Variants in MEIS2 observed in about 807,000 individuals in gnomAD.
MEIS2 encodes the protein homeobox protein Meis2.
MEIS2 carries 9 observed loss-of-function variants against 58.6 expected under a neutral mutation model. The ratio of observed to expected loss-of-function variants is 0.15; its 90% CI spans 0.09 to 0.27. MEIS2 has a LOEUF of 0.27. Ranked by LOEUF, MEIS2 falls within the 10% of genes least tolerant of loss-of-function variation. MEIS2 has a pLI of 1.00. For synonymous variants in MEIS2, 221 were observed against 228.4 expected (o/e 0.97, Z 0.29); for missense variants, 427 against 635.0 (o/e 0.67, Z 3.52).
intron 9 of MEIS2, among the ~76,000 whole-genome samples, chr15:36,946,455 T>A (rs2058568923): frequency 6.6e-6 from 1 of 151,354 alleles, no homozygotes; most frequent in African/African-American, 2.4e-5. Context: ...TCTGAGAAGC[T>A]ACAAAAGTCT....
rs575245437 is a variant in MEIS2 at position 37,009,105 on chromosome 15, C to T, written c.900+27709G>A. Among the ~76,000 whole-genome samples the T allele has an allele frequency of 3.3e-5, 5 of 152,114 alleles. No homozygotes were observed. In the South Asian group the frequency reaches 6.2e-4, roughly 19 times the overall value. On this transcript the variant is annotated intron_variant, in intron 8 of 11. Coordinates refer to ENST00000561208, the MANE Select transcript of MEIS2 (RefSeq NM_170675.5). ...GAGATAGAGACCATCCTGGCTAACACGGTGAAACCCTGTCTCTACTAAAAA... is the reference window on the plus strand; with the variant it reads ...GAGATAGAGACCATCCTGGCTAACATGGTGAAACCCTGTCTCTACTAAAAA...
intron 8 of MEIS2, among the ~76,000 whole-genome samples, chr15:37,007,293 C>T (rs188322568): frequency 1.8e-4 from 28 of 152,092 alleles, no homozygotes; most frequent in East Asian, 1.4e-3. Context: ...ATCCAGGAGG[C>T]GGAGGTGGGA....
chr15:36,995,732 C>G (rs61392179), intron 8 of MEIS2, among the ~76,000 whole-genome samples: 1 of 28,088 alleles, frequency 3.6e-5, no homozygotes, highest in African/African-American at 1.2e-4. Context: ...AAAAAAAAAA[C>G]AAAGAAAAGA....
intron 7 of MEIS2, among the ~76,000 whole-genome samples, chr15:37,077,007 T>C (rs1249711800): frequency 1.3e-5 from 2 of 152,106 alleles, no homozygotes; most frequent in Non-Finnish European, 2.9e-5. Context: ...ATCTGTCCCT[T>C]AGTCACAAAT....
At chr15:36,960,267 G>T (rs1261435014) in intron 8 of MEIS2, among the ~76,000 whole-genome samples, 1 of 151,646 alleles carries the variant, frequency 6.6e-6, no homozygotes, top group Non-Finnish European at 1.5e-5. Flanking sequence ...TTTCAAAAAG[G>T]TTATTATCTC....
At chr15:36,956,931 G>A (rs572238285) in intron 8 of MEIS2, among the ~76,000 whole-genome samples, 1 of 147,688 alleles carries the variant, frequency 6.8e-6, no homozygotes, top group African/African-American at 2.5e-5. Flanking sequence ...GGAGGAAAAG[G>A]AGGAGGAAGA....
At position 36,892,475 on chromosome 15, in the gene MEIS2, G is replaced by C; in HGVS notation, c.1148-16C>G. Reference sequence around the variant, plus strand: ...CTCTGCAAACCTGAAAATAGAGAGGGAAAAAGAAAGCGGGTCAAATTCCTA... The same window carrying C: ...CTCTGCAAACCTGAAAATAGAGAGGCAAAAAGAAAGCGGGTCAAATTCCTA... On this transcript the variant is annotated splice_polypyrimidine_tract_variant and intron_variant, in intron 11 of 11. Coordinates refer to ENST00000561208, the MANE Select transcript of MEIS2 (RefSeq NM_170675.5). 1 of 1,503,966 alleles carries C rather than the reference G, an allele frequency of 6.6e-7. No homozygotes were observed. The highest frequency in any genetic ancestry group is 1.9e-5 in the Admixed American group (1 of 52,332). The allele number at this position is 1,503,966 out of a possible 1,614,324, so 93.2% of individuals were successfully genotyped here. A position where few individuals can be genotyped will look rare whatever the true frequency, so the allele number is the denominator to read the frequency against.
intron 9 of MEIS2, among the ~76,000 whole-genome samples, chr15:36,904,505 C>T (rs2056628973): frequency 6.6e-6 from 1 of 152,190 alleles, no homozygotes; most frequent in Non-Finnish European, 1.5e-5. Flanking sequence ...TCCATTTTTT[C>T]TGACAGCAAA....
chr15:37,063,550 T>C (rs562232165), intron 7 of MEIS2, among the ~76,000 whole-genome samples: 2 of 152,324 alleles, frequency 1.3e-5, no homozygotes, highest in South Asian at 4.1e-4. Flanking sequence ...ATACTAAACG[T>C]ACAGCACAAT....
intron 7 of MEIS2, among the ~76,000 whole-genome samples, chr15:37,083,136 C>A (rs1892453010): frequency 6.6e-6 from 1 of 152,098 alleles, no homozygotes; most frequent in African/African-American, 2.4e-5. Context: ...AAAATTTATT[C>A]TAAATTGCAC....
At chr15:37,088,037 A>C (rs1194819934) in intron 6 of MEIS2, among the ~76,000 whole-genome samples, 1 of 152,204 alleles carries the variant, frequency 6.6e-6, no homozygotes, top group African/African-American at 2.4e-5. Flanking sequence ...TGCAGTGGAC[A>C]TGGTATAGGA....
Position 37,098,198 on chromosome 15 carries a change from T to C in MEIS2, c.14A>G (p.Tyr5Cys). 1.3e-6 allele frequency: 2 copies of C among 1,595,274 alleles called. No homozygotes were observed. Among genetic ancestry groups the C allele is most frequent in the Non-Finnish European group, 1.7e-6 (2 of 1,169,064 alleles). MAQRYDELPHYGGMD... is the reference protein window; with the variant it reads MAQRCDELPHYGGMD... ...CCCGCCGTAATGGGGCAGCTCATCG[T>C]ACTGTCAGAACCCGGGAAGGGGGAG... Residue 5 changes from tyrosine to cysteine, a missense_variant and splice_region_variant, in exon 2 of 12, where the codon TAC becomes TGC. Transcript: ENST00000561208.
chr15:37,065,401 T>A (rs2141853587), intron 7 of MEIS2, among the ~76,000 whole-genome samples: 1 of 152,282 alleles, frequency 6.6e-6, no homozygotes, highest in South Asian at 2.1e-4. Flanking sequence ...TGGCTCTTTT[T>A]TATTTTGTAG....
intron 8 of MEIS2, among the ~76,000 whole-genome samples, chr15:37,022,223 T>C (rs2141677753): frequency 6.6e-6 from 1 of 152,284 alleles, no homozygotes; most frequent in South Asian, 2.1e-4. Flanking sequence ...ATGTCAACTT[T>C]TATAGTCATT....
chr15:36,964,266 C>G (rs1400985772), intron 8 of MEIS2, among the ~76,000 whole-genome samples: 1 of 152,222 alleles, frequency 6.6e-6, no homozygotes, highest in African/African-American at 2.4e-5. Context: ...GTGTTCCGTT[C>G]ATTGCTGTAT....
At chr15:36,916,165 C>T (rs993404662) in intron 9 of MEIS2, among the ~76,000 whole-genome samples, 5 of 151,272 alleles carry the variant, frequency 3.3e-5, no homozygotes, top group Admixed American at 6.6e-5. Context: ...CAGTGGCTCA[C>T]GCCTGTAATC....
At chr15:37,051,841 G>A (rs1199571196) in intron 7 of MEIS2, among the ~76,000 whole-genome samples, 1 of 152,100 alleles carries the variant, frequency 6.6e-6, no homozygotes, top group Non-Finnish European at 1.5e-5. Flanking sequence ...TGAATGTGTT[G>A]ATTTATATAA....
chr15:37,091,634 T>C (rs1893533701), intron 6 of MEIS2, among the ~76,000 whole-genome samples: 3 of 152,162 alleles, frequency 2.0e-5, no homozygotes, highest in African/African-American at 4.8e-5. Flanking sequence ...CCTTCTTGAG[T>C]GGATATTTAA....
chr15:37,003,765 C>T (rs372568660), intron 8 of MEIS2, among the ~76,000 whole-genome samples: 87 of 152,242 alleles, frequency 5.7e-4, no homozygotes, highest in African/African-American at 1.9e-3. Flanking sequence ...GTGGGGCCTT[C>T]CAGTAGGTGA....
Sources: gnomAD v4.1 joint callset for allele counts (sites outside exome capture counted in the v4.1 genomes callset) on GRCh38, gnomAD v4.1.1 for gene constraint, MANE v1.5 for transcripts, NCBI Gene and HGNC (gene_info 2026-07-23, HGNC 2026-07-21) for gene names.